Variants in RIMKLB observed in about 807,000 individuals in gnomAD.
The protein encoded by RIMKLB is beta-citrylglutamate synthase B.
A neutral mutation model predicts 32.0 loss-of-function variants in RIMKLB; 7 were observed. That is an observed-to-expected ratio of 0.22 (90% CI 0.12 to 0.41). The LOEUF is 0.41. Ranked by LOEUF, RIMKLB falls within the 10% of genes least tolerant of loss-of-function variation. The pLI, the probability that RIMKLB is intolerant of heterozygous loss-of-function variation, is 1.00. For synonymous variants in RIMKLB, 172 were observed against 185.1 expected (o/e 0.93, Z 0.57); for missense variants, 289 against 498.7 (o/e 0.58, Z 4.00).
At chr12:8,771,523 A>G (rs1950393665) in intron 5 of RIMKLB, among the ~76,000 whole-genome samples, 1 of 152,228 alleles carries the variant, frequency 6.6e-6, no homozygotes, top group African/African-American at 2.4e-5. Context: ...TTCTCCTTGG[A>G]AGAAGAATAA....
chr12:8,670,026 CAAAAAAAAAAAA>C, the RIMKLB span, among the ~76,000 whole-genome samples: 1 of 36,944 alleles, frequency 2.7e-5, no homozygotes, highest in Non-Finnish European at 5.6e-5. Context: ...GACTCCGTCT[CAAAAAAAAAAAA>C]AAAAAAAAAA....
At chr12:8,678,705 G>A (rs1280836017), upstream of RIMKLB, 4 of 152,342 alleles carry the variant, frequency 2.6e-5, no homozygotes, top group East Asian at 7.7e-4. Flanking sequence ...GCTGCCAGAG[G>A]CCCTAACTTC....
At chr12:8,778,009 G>A (rs768362924), downstream of RIMKLB, among the ~76,000 whole-genome samples, 1 of 152,230 alleles carries the variant, frequency 6.6e-6, no homozygotes, top group African/African-American at 2.4e-5. Flanking sequence ...CTCAAGACTT[G>A]GGAATTTTGT....
chr12:8,775,318 C>T lies in RIMKLB; in HGVS notation c.*1534C>T. On this transcript the variant is annotated 3_prime_UTR_variant, in exon 6 of 6. Coordinates refer to ENST00000535829, the MANE Select transcript of RIMKLB (RefSeq NM_001297776.2). The stretch of plus-strand genomic sequence containing the variant: ...TTCAATACTGTCCACTCTTTATATT[C>T]CTTTACTTGCAGAATTTATAAAAGC... 12 of 985,266 alleles carry T rather than the reference C, an allele frequency of 1.2e-5. No individual in the cohort carries two copies. The highest frequency in any genetic ancestry group is 1.3e-5 in the Non-Finnish European group (11 of 829,816). 61.0% of individuals were successfully genotyped at this position (985,266 alleles called of 1,614,324 possible).
At position 8,775,721 on chromosome 12, in the gene RIMKLB, TTGAG is replaced by T; in HGVS notation, c.*1941_*1944del. 1.0e-6 allele frequency: 1 copy of T among 984,334 alleles called. No homozygotes were observed. 61.0% of individuals were successfully genotyped at this position (984,334 alleles called of 1,614,324 possible). A position where few individuals can be genotyped will look rare whatever the true frequency, so the allele number is the denominator to read the frequency against. On this transcript the variant is annotated 3_prime_UTR_variant, in exon 6 of 6. Transcript: ENST00000535829. Reference sequence around the variant, plus strand: ...TCCATAGAATTAAATAATATTAAAATTGAGTGAAAGGTTGATTGTTGATGAATAG... The same window carrying T: ...TCCATAGAATTAAATAATATTAAAATTGAAAGGTTGATTGTTGATGAATAG...
chr12:8,725,184 T>C (rs1945860377), intron 2 of RIMKLB, among the ~76,000 whole-genome samples: 1 of 152,214 alleles, frequency 6.6e-6, no homozygotes, highest in Admixed American at 6.5e-5. Context: ...AGGCTTCTCA[T>C]TCAGGTGAAG....
upstream of RIMKLB, among the ~76,000 whole-genome samples, chr12:8,678,433 C>A (rs1473732141): frequency 2.0e-5 from 3 of 151,836 alleles, no homozygotes; most frequent in Non-Finnish European, 4.4e-5. Flanking sequence ...CGGGTTCAAG[C>A]GATTCTCCTG....
chr12:8,718,151 G>A (rs750853279), intron 2 of RIMKLB, among the ~76,000 whole-genome samples: 1 of 152,152 alleles, frequency 6.6e-6, no homozygotes, highest in Admixed American at 6.5e-5. Context: ...CTATGGAAAT[G>A]GAATCAGATC....
intron 1 of RIMKLB, among the ~76,000 whole-genome samples, chr12:8,703,106 C>T (rs1028664692): frequency 6.6e-6 from 1 of 151,926 alleles, no homozygotes; most frequent in Non-Finnish European, 1.5e-5. Flanking sequence ...GCCAACATGG[C>T]GAAAACCCAT....
chr12:8,737,771 A>G (rs938796915), intron 2 of RIMKLB, among the ~76,000 whole-genome samples: 3 of 152,086 alleles, frequency 2.0e-5, no homozygotes, highest in East Asian at 1.9e-4. Context: ...CTGCAGTGCA[A>G]TGGCGTGATC....
upstream of RIMKLB, among the ~76,000 whole-genome samples, chr12:8,692,563 A>G (rs1239953940): frequency 5.3e-5 from 8 of 152,142 alleles, no homozygotes; most frequent in Non-Finnish European, 1.0e-4. Context: ...AAGTAGGGGG[A>G]AAACCTGTAT....
downstream of RIMKLB, chr12:8,777,425 C>G: frequency 1.0e-6 from 1 of 984,614 alleles, no homozygotes; most frequent in East Asian, 1.1e-4. Flanking sequence ...TCCTTTATAC[C>G]AATGCCATTT....
At chr12:8,707,607 C>T (rs1565557345) in intron 1 of RIMKLB, among the ~76,000 whole-genome samples, 1 of 152,210 alleles carries the variant, frequency 6.6e-6, no homozygotes, top group Non-Finnish European at 1.5e-5. Flanking sequence ...CGTCTCCCGT[C>T]TCCAGAGGTT....
chr12:8,746,904 C>T (rs913787621), intron 2 of RIMKLB, among the ~76,000 whole-genome samples: 4 of 152,136 alleles, frequency 2.6e-5, no homozygotes, highest in African/African-American at 9.7e-5. Flanking sequence ...CCACACCTGG[C>T]TAATTTTTTA....
At chr12:8,737,639 AT>A (rs1454450831) in intron 2 of RIMKLB, among the ~76,000 whole-genome samples, 14 of 152,140 alleles carry the variant, frequency 9.2e-5, no homozygotes, top group African/African-American at 2.7e-4. Flanking sequence ...TACAAAATGG[AT>A]TTTCCCCCCC....
Position 8,686,256 on chromosome 12 carries a change from C to G in RIMKLB, n.219+4438C>G, listed in dbSNP as rs529565617. 2.6e-5 allele frequency among the ~76,000 whole-genome samples: 4 copies of G among 151,706 alleles called. No individual in the cohort carries two copies. In the East Asian group the frequency reaches 5.9e-4, roughly 22 times the overall value. On this transcript the variant is annotated intron_variant and non_coding_transcript_variant, in intron 1 of 1. Coordinates refer to the RIMKLB transcript ENST00000538758. Reference sequence around the variant, plus strand: ...AGGTGTGAGCCACCGAGCCCTCTCCCCCTTCCCTCCCCTCCCCTCCTCTCC... The same window carrying G: ...AGGTGTGAGCCACCGAGCCCTCTCCGCCTTCCCTCCCCTCCCCTCCTCTCC...
At chr12:8,679,612 G>C (rs1237238614), upstream of RIMKLB, 2 of 152,564 alleles carry the variant, frequency 1.3e-5, no homozygotes, top group East Asian at 3.8e-4. Flanking sequence ...AACTCAAGCA[G>C]CTTTTTGGAC....
chr12:8,745,397 G>T (rs16917739), intron 2 of RIMKLB, among the ~76,000 whole-genome samples: 8 of 151,088 alleles, frequency 5.3e-5, no homozygotes, highest in Non-Finnish European at 1.2e-4. Context: ...GCTGATTCCC[G>T]TAAATTTTTT....
the RIMKLB span, chr12:8,668,689 G>C: frequency 6.6e-6 from 1 of 152,236 alleles, no homozygotes; most frequent in Non-Finnish European, 1.5e-5. Context: ...ACTGATGTCT[G>C]TAGCCAAAAG....
Sources: allele counts gnomAD v4.1 joint callset (sites outside exome capture counted in the v4.1 genomes callset), GRCh38; gene constraint gnomAD v4.1.1; transcripts MANE v1.5; gene names NCBI Gene and HGNC (gene_info 2026-07-23, HGNC 2026-07-21).